GPCPD1: variants seen among roughly 807,000 people sequenced by gnomAD.
The protein encoded by GPCPD1 is glycerophosphocholine phosphodiesterase GPCPD1.
Under a neutral mutation model 89.2 loss-of-function variants are expected in GPCPD1, and 29 were observed. The ratio of observed to expected loss-of-function variants is 0.33; its 90% CI spans 0.24 to 0.44. The LOEUF is 0.44. Ranked by LOEUF, GPCPD1 falls within the 20% of genes least tolerant of loss-of-function variation. GPCPD1 has a pLI of 1.00. For synonymous variants in GPCPD1, 258 were observed against 266.3 expected (o/e 0.97, Z 0.30); for missense variants, 594 against 808.9 (o/e 0.73, Z 3.22).
chr20:5,587,174 C>T (rs543696922), intron 4 of GPCPD1, among the ~76,000 whole-genome samples: 26 of 152,174 alleles, frequency 1.7e-4, no homozygotes, highest in African/African-American at 5.8e-4. Context: ...TGAAATAAAA[C>T]CCTTAAATAC....
At chr20:5,566,468 T>C (rs540982350) in intron 14 of GPCPD1, among the ~76,000 whole-genome samples, 2 of 152,344 alleles carry the variant, frequency 1.3e-5, no homozygotes, top group South Asian at 2.1e-4. Context: ...TACTTTGTAA[T>C]GGTTAAGAAT....
At chr20:5,559,656 C>T (rs1001386626) in intron 17 of GPCPD1, among the ~76,000 whole-genome samples, 1 of 152,042 alleles carries the variant, frequency 6.6e-6, no homozygotes, top group East Asian at 1.9e-4. Context: ...TCTCAGATAT[C>T]GGCAGTGATA....
intron 19 of GPCPD1, among the ~76,000 whole-genome samples, chr20:5,553,224 TTCTA>T (rs1985536112): frequency 6.6e-6 from 1 of 152,222 alleles, no homozygotes; most frequent in Admixed American, 6.5e-5. Context: ...TTCATTATGA[TTCTA>T]TCTGATATGG....
intron 11 of GPCPD1, among the ~76,000 whole-genome samples, chr20:5,571,359 G>T (rs1225045710): frequency 6.6e-6 from 1 of 151,974 alleles, no homozygotes; most frequent in Non-Finnish European, 1.5e-5. Flanking sequence ...TAATTTTTTT[G>T]GTTTTAGACA....
chr20:5,576,740 G>C (rs533777418), intron 8 of GPCPD1, among the ~76,000 whole-genome samples: 30 of 152,184 alleles, frequency 2.0e-4, no homozygotes, highest in African/African-American at 7.0e-4. Flanking sequence ...CATGGGATAG[G>C]AACTCTCTAG....
chr20:5,598,678 A>C (rs747149633), intron 3 of GPCPD1, 47 bp downstream of exon 3: 1 of 1,090,050 alleles, frequency 9.2e-7, no homozygotes, highest in Non-Finnish European at 1.4e-6. Flanking sequence ...CTAACATCAT[A>C]AGGTTAATGT....
intron 11 of GPCPD1, 97 bp from the exon 12 acceptor site, chr20:5,570,336 C>T (rs776446664): frequency 5.3e-6 from 2 of 377,194 alleles, no homozygotes; most frequent in Non-Finnish European, 1.0e-5. Flanking sequence ...TATAAAATTA[C>T]AGACCTGTAC....
At chr20:5,592,253 C>T (rs534409430) in intron 4 of GPCPD1, among the ~76,000 whole-genome samples, 1 of 152,288 alleles carries the variant, frequency 6.6e-6, no homozygotes, top group South Asian at 2.1e-4. Context: ...CACACAATTG[C>T]TTAAGTTATA....
At chr20:5,590,647 A>G (rs774352853) in intron 4 of GPCPD1, among the ~76,000 whole-genome samples, 8 of 152,132 alleles carry the variant, frequency 5.3e-5, no homozygotes. Context: ...AGAGTATTCA[A>G]ATCTCAAGTT....
At chr20:5,580,229 C>T in intron 6 of GPCPD1, 98 bp from the exon 7 acceptor site, 2 of 493,796 alleles carry the variant, frequency 4.1e-6, no homozygotes, top group East Asian at 3.7e-5. Flanking sequence ...TTCACATTCA[C>T]TTTTTTTTTT....
chr20:5,577,307 C>G (rs1320618378), intron 8 of GPCPD1, among the ~76,000 whole-genome samples: 1 of 151,486 alleles, frequency 6.6e-6, no homozygotes, highest in East Asian at 1.9e-4. Context: ...AAGCATGAGC[C>G]ACCGCGCCCG....
chr20:5,604,774 TACACAC>T (rs11466989), intron 1 of GPCPD1, among the ~76,000 whole-genome samples: 69 of 139,178 alleles, frequency 5.0e-4, no homozygotes, highest in African/African-American at 1.4e-3. Flanking sequence ...GCCTCATGTC[TACACAC>T]ACACACACAC....
intron 12 of GPCPD1, among the ~76,000 whole-genome samples, chr20:5,569,120 T>G (rs1244665546): frequency 7.0e-6 from 1 of 142,670 alleles, no homozygotes; most frequent in Non-Finnish European, 1.6e-5. Context: ...CTCCCCTTCC[T>G]TCCTTTCTTC....
chr20:5,576,040 T>TACAC (rs36119025), intron 8 of GPCPD1, 62 bp from the exon 9 acceptor site: 200 of 603,326 alleles, frequency 3.3e-4, no homozygotes, highest in African/African-American at 3.1e-3. Context: ...TACATACATA[T>TACAC]ACACACACAC....
At chr20:5,591,264 G>A (rs1043717597) in intron 4 of GPCPD1, among the ~76,000 whole-genome samples, 10 of 152,128 alleles carry the variant, frequency 6.6e-5, no homozygotes, top group Admixed American at 6.6e-5. Context: ...TGAGAAAAAC[G>A]ATTTCAGGAC....
At chr20:5,577,055 T>TG (rs1313742771) in intron 8 of GPCPD1, among the ~76,000 whole-genome samples, 2 of 133,518 alleles carry the variant, frequency 1.5e-5, no homozygotes, top group Non-Finnish European at 3.1e-5. Flanking sequence ...AAAAAGTTGT[T>TG]TTTTTTTTTG....
chr20:5,609,260 T>A (rs1373430234), intron 1 of GPCPD1, among the ~76,000 whole-genome samples: 1 of 152,190 alleles, frequency 6.6e-6, no homozygotes, highest in Admixed American at 6.5e-5. Flanking sequence ...CTAAATAAAG[T>A]AATATATAAA....
intron 8 of GPCPD1, among the ~76,000 whole-genome samples, chr20:5,577,185 CT>C (rs977682641): frequency 2.0e-5 from 3 of 151,382 alleles, no homozygotes; most frequent in African/African-American, 7.3e-5. Context: ...CTGCCTCAGC[CT>C]CTCGAGTAGC....
At chr20:5,590,554 T>A (rs1170458288) in intron 4 of GPCPD1, among the ~76,000 whole-genome samples, 91 of 46,000 alleles carry the variant, frequency 2.0e-3, no homozygotes, top group African/African-American at 4.2e-3. Context: ...AAAAAAAAAA[T>A]CTCTATTTTT....
Sources: allele counts gnomAD v4.1 joint callset (sites outside exome capture counted in the v4.1 genomes callset), GRCh38; gene constraint gnomAD v4.1.1; transcripts MANE v1.5; gene names NCBI Gene and HGNC (gene_info 2026-07-23, HGNC 2026-07-21).